Variants in DFFA observed in about 807,000 individuals in gnomAD.
DFFA encodes the protein DNA fragmentation factor subunit alpha.
DFFA carries 14 observed loss-of-function variants against 28.0 expected under a neutral mutation model. The ratio of observed to expected loss-of-function variants is 0.50; its 90% CI spans 0.33 to 0.78. DFFA has a LOEUF of 0.78. Ranked by LOEUF, DFFA falls within the 30% of genes least tolerant of loss-of-function variation. The probability of loss-of-function intolerance (pLI) is 0.02; values close to 1 mark genes in which losing one functional copy is unlikely to be tolerated. For missense variants in DFFA, 395 were observed against 407.1 expected (o/e 0.97, Z 0.26); for synonymous variants, 158 against 170.3 (o/e 0.93, Z 0.56).
intron 5 of DFFA, 51 bp from the exon 6 acceptor site, chr1:10,461,753 C>T (rs759394129): frequency 4.1e-5 from 66 of 1,603,126 alleles, no homozygotes; most frequent in Non-Finnish European, 5.4e-5. Flanking sequence ...TGCGCCTCTC[C>T]TGCTGCTCTC....
In DFFA at chr1:10,468,076, A is replaced by G. The variant is rs189657298; in HGVS notation, c.299-744T>C. Reference sequence around the variant, plus strand: ...AGGCCTGAGCACAAAGGTGGCTGGTAGGGCCACTGCTGTAGGATGACTTCC... The same window carrying G: ...AGGCCTGAGCACAAAGGTGGCTGGTGGGGCCACTGCTGTAGGATGACTTCC... On this transcript the variant is annotated intron_variant, in intron 2 of 5. Coordinates refer to ENST00000377038, the MANE Select transcript of DFFA (RefSeq NM_004401.3). Among the ~76,000 whole-genome samples, 151 of 151,626 alleles carry G rather than the reference A, an allele frequency of 1.0e-3. 1 individual carries two copies. The highest frequency in any genetic ancestry group is 3.5e-3 in the African/African-American group (145 of 41,314).
rs773262047 is a variant in DFFA at position 10,461,563 on chromosome 1, C to G, written c.923G>C (p.Ser308Thr). ...TGGTGAGGCCTTGCTTGCTGAGATG[C>G]TCCGGAGAGAATGCAAGCTCTGCGT... Reference protein sequence around the residue: ...QQTQSLHSLRSISASKASPPG... With the variant: ...QQTQSLHSLRTISASKASPPG... The change falls in exon 6 of 6, where the codon AGC (serine) becomes ACC (threonine). Residue 308 changes from serine to threonine, a missense_variant. By Grantham distance (58) the Ser-to-Thr change is moderately conservative. Coordinates refer to ENST00000377038, the MANE Select transcript of DFFA (RefSeq NM_004401.3). 6.2e-7 allele frequency: 1 copy of G among 1,614,114 alleles called. No individual in the cohort carries two copies. Among genetic ancestry groups the G allele is most frequent in the Non-Finnish European group, 8.5e-7 (1 of 1,180,010 alleles).
At position 10,472,508 on chromosome 1, in the gene DFFA, AG is replaced by A; in HGVS notation, c.-51del. 6.5e-7 allele frequency: 1 copy of A among 1,545,340 alleles called. No homozygotes were observed. Among genetic ancestry groups the A allele is most frequent in the East Asian group, 2.4e-5 (1 of 41,030 alleles). Reference sequence around the variant, plus strand: ...CCTTCGAGAAGTCGCGGGAGGCCGGAGCGGCGGTCCTTCTACTCGACCCCCT... The same window carrying A: ...CCTTCGAGAAGTCGCGGGAGGCCGGACGGCGGTCCTTCTACTCGACCCCCT... On this transcript the variant is annotated 5_prime_UTR_variant, in exon 1 of 6. Transcript: ENST00000377038. The surrounding 1 kb of genome is among the most constrained non-coding windows in gnomAD (Gnocchi z 5.0).
At chr1:10,466,333 G>A (rs940091078) in intron 3 of DFFA, among the ~76,000 whole-genome samples, 2 of 152,064 alleles carry the variant, frequency 1.3e-5, no homozygotes, top group Non-Finnish European at 2.9e-5. Context: ...ACAGGTACAG[G>A]TGCACACCAC....
rs548713735 is a variant in DFFA, at chr1:10,467,288, C to T, written c.343G>A (p.Glu115Lys). The change falls in exon 3 of 6, where the codon GAA (glutamate) becomes AAA (lysine). Residue 115 changes from glutamate (E) to lysine (K), a missense_variant. Physicochemically the swap from Glu to Lys is moderately conservative, Grantham distance 56. Transcript: ENST00000377038. ...WISQESFDVD[E>K]TDSGAGLKWK... ...TTCAACCCTGCCCCGCTGTCTGTTTCATCTACATCAAAGGACTCTTGGGAA... is the reference window on the plus strand; with the variant it reads ...TTCAACCCTGCCCCGCTGTCTGTTTTATCTACATCAAAGGACTCTTGGGAA... 1 of 1,614,142 alleles carries T rather than the reference C, an allele frequency of 6.2e-7. No individual in the cohort carries two copies. Among genetic ancestry groups the T allele is most frequent in the South Asian group, 1.1e-5 (1 of 91,086 alleles).
At chr1:10,461,859 G>C (rs2124338176) in intron 5 of DFFA, 157 bp from the exon 6 acceptor site, 1 of 985,358 alleles carries the variant, frequency 1.0e-6, no homozygotes, top group Admixed American at 6.2e-5. Context: ...ATTGCCACGG[G>C]CTTTTTGTTT....
rs1384510938 is a variant in DFFA, at chr1:10,463,218, G to A, written c.632-9C>T. ...AAAGGCAGCTTTGGACTCTGCAAAG[G>A]AGACACGAGACAGAGATCAGACGTG... is the stretch of plus-strand genomic sequence containing the variant. On this transcript the variant is annotated splice_polypyrimidine_tract_variant and intron_variant, in intron 4 of 5. Transcript: ENST00000377038. 18 of 1,612,384 alleles carry A rather than the reference G, an allele frequency of 1.1e-5. No individual in the cohort carries two copies. The highest frequency in any genetic ancestry group is 1.4e-5 in the Non-Finnish European group (16 of 1,178,822).
At position 10,456,543 on chromosome 1, in the gene DFFA, T is replaced by C. The variant is rs1377428745; in HGVS notation, c.*4947A>G. ...GTAATTAGGAAATTAAACAGCTAAA[T>C]AATGTGGTTATTTATTAAAGATACA... is the stretch of plus-strand genomic sequence containing the variant. On this transcript the variant is annotated 3_prime_UTR_variant, in exon 6 of 6. Coordinates refer to ENST00000377038, the MANE Select transcript of DFFA (RefSeq NM_004401.3). 1.8e-5 allele frequency: 2 copies of C among 112,658 alleles called. No individual in the cohort carries two copies. The allele number at this position is 112,658 out of a possible 1,614,324, so 7.0% of individuals were successfully genotyped here.
At position 10,461,592 on chromosome 1, in the gene DFFA, C is replaced by T. The variant is rs61776020; in HGVS notation, c.894G>A (p.Gln298=). The change falls in exon 6 of 6, where the codon CAG becomes CAA. Residue 298 remains glutamine, a synonymous_variant. Transcript: ENST00000377038. ...GGAGAGAATGCAAGCTCTGCGTCTG[C>T]TGCAGGCGCAGGGCGAGCTCCCGCT... is the stretch of plus-strand genomic sequence containing the variant. ...ACERELALRL[Q]QTQSLHSLRS... The T allele has an allele frequency of 0.016, 25,230 of 1,614,236 alleles. 630 individuals carry two copies. The highest frequency in any genetic ancestry group is 0.096 in the East Asian group (4,296 of 44,876).
At chr1:10,461,800 C>T (rs1640945523) in intron 5 of DFFA, 98 bp from the exon 6 acceptor site, 15 of 1,531,162 alleles carry the variant, frequency 9.8e-6, no homozygotes, top group South Asian at 2.5e-5. Flanking sequence ...AGGCAGTATC[C>T]GTTTATGTTA....
chr1:10,467,405 C>G, intron 2 of DFFA, 73 bp from the exon 3 acceptor site: 3 of 1,521,566 alleles, frequency 2.0e-6, no homozygotes, highest in Non-Finnish European at 2.7e-6. Flanking sequence ...CCAGCACACA[C>G]AGACCTCTTG....
Position 10,463,482 on chromosome 1 carries a change from G to C in DFFA, c.580C>G (p.Leu194Val). The change falls in exon 4 of 6, where the codon CTG becomes GTG. Residue 194 changes from leucine to valine, a missense_variant. Leu to Val is a conservative substitution (Grantham distance 32, BLOSUM62 1). Coordinates refer to ENST00000377038, the MANE Select transcript of DFFA (RefSeq NM_004401.3). The part of the protein sequence containing the change: ...EVRQSKQLLQ[L>V]YLQALEKEGS... Reference sequence around the variant, plus strand: ...TCTTTCTCCAAAGCCTGGAGGTACAGCTGCAGGAGCTGCTTGGACTGACGC... The same window carrying C: ...TCTTTCTCCAAAGCCTGGAGGTACACCTGCAGGAGCTGCTTGGACTGACGC... 6.2e-7 allele frequency: 1 copy of C among 1,614,064 alleles called. No individual in the cohort carries two copies. The highest frequency in any genetic ancestry group is 8.5e-7 in the Non-Finnish European group (1 of 1,180,040).
chr1:10,470,549 G>A (rs905245245), intron 1 of DFFA, among the ~76,000 whole-genome samples: 3 of 149,438 alleles, frequency 2.0e-5, no homozygotes, highest in Admixed American at 6.7e-5. Context: ...TTCAGCCTCC[G>A]GAGTAGCTGG....
Position 10,461,302 on chromosome 1 carries a change from A to T in DFFA, c.*188T>A. The T allele has an allele frequency of 1.2e-6, 1 of 808,688 alleles. No homozygotes were observed. The highest frequency in any genetic ancestry group is 1.9e-5 in the South Asian group (1 of 51,558). The allele number at this position is 808,688 out of a possible 1,614,324, so 50.1% of individuals were successfully genotyped here. A position where few individuals can be genotyped will look rare whatever the true frequency, so the allele number is the denominator to read the frequency against. On this transcript the variant is annotated 3_prime_UTR_variant, in exon 6 of 6. Transcript: ENST00000377038. ...AGCTATATCATTCAAAATTGGCAGA[A>T]GTCCTGAAGCTGGTGGGGCTAAAAA...
Position 10,472,515 on chromosome 1 carries a change from G to A in DFFA, c.-57C>T, listed in dbSNP as rs1641115839. On this transcript the variant is annotated 5_prime_UTR_variant, in exon 1 of 6. Transcript: ENST00000377038. This position sits in a 1 kb window ranked among gnomAD's most constrained non-coding sequence, Gnocchi z 5.0. Reference sequence around the variant, plus strand: ...GAAGTCGCGGGAGGCCGGAGCGGCGGTCCTTCTACTCGACCCCCTTCCGCA... The same window carrying A: ...GAAGTCGCGGGAGGCCGGAGCGGCGATCCTTCTACTCGACCCCCTTCCGCA... 2 of 1,538,014 alleles carry A rather than the reference G, an allele frequency of 1.3e-6. No individual in the cohort carries two copies. The highest frequency in any genetic ancestry group is 3.8e-5 in the Admixed American group (2 of 52,316).
At chr1:10,468,841 C>T (rs1005279300) in intron 2 of DFFA, among the ~76,000 whole-genome samples, 12 of 151,908 alleles carry the variant, frequency 7.9e-5, no homozygotes, top group South Asian at 2.1e-4. Flanking sequence ...CAGGTTCAAG[C>T]AATTCTCCCG....
At position 10,472,278 on chromosome 1, in the gene DFFA, C is replaced by A; in HGVS notation, c.136+45G>T. On this transcript the variant is annotated intron_variant, in intron 1 of 5. Transcript: ENST00000377038. The surrounding 1 kb of genome is among the most constrained non-coding windows in gnomAD (Gnocchi z 5.0). ...CCTCGCCCCCGCCGGACGTCCTCAC[C>A]CGGCCCTGGCTCCCCCACACCCTCG... The A allele has an allele frequency of 6.5e-7, 1 of 1,528,070 alleles. No individual in the cohort carries two copies. The highest frequency in any genetic ancestry group is 1.2e-5 in the South Asian group (1 of 81,112). 94.7% of individuals were successfully genotyped at this position (1,528,070 alleles called of 1,614,324 possible). A position where few individuals can be genotyped will look rare whatever the true frequency, so the allele number is the denominator to read the frequency against.
chr1:10,462,567 T>C (rs993980865), intron 5 of DFFA: 1 of 995,130 alleles, frequency 1.0e-6, no homozygotes, highest in Non-Finnish European at 1.2e-6. Flanking sequence ...CTATCTACAA[T>C]AGGGAGGTAC....
chr1:10,458,407 G>A lies in DFFA; in HGVS notation c.*3083C>T, dbSNP rs1410320058. ...AAATGTTGGGGTGAGAGCCAATGGA[G>A]GGCATTAGTAAAAGGATGCTGAGTA... On this transcript the variant is annotated 3_prime_UTR_variant, in exon 6 of 6. Transcript: ENST00000377038. 1 of 152,134 alleles carries A rather than the reference G, an allele frequency of 6.6e-6. No homozygotes were observed. The highest frequency in any genetic ancestry group is 1.5e-5 in the Non-Finnish European group (1 of 68,040). The allele number at this position is 152,134 out of a possible 1,614,324, so 9.4% of individuals were successfully genotyped here.
Sources: gnomAD v4.1 joint callset for allele counts (sites outside exome capture counted in the v4.1 genomes callset) on GRCh38, gnomAD v4.1.1 for gene constraint, Gnocchi (gnomAD v3.1) non-coding constraint, MANE v1.5 for transcripts, NCBI Gene and HGNC (gene_info 2026-07-23, HGNC 2026-07-21) for gene names.